Variants in NDUFAF5 observed in about 807,000 individuals in gnomAD.
NDUFAF5 encodes NADH:ubiquinone oxidoreductase complex assembly factor 5.
NDUFAF5 carries 34 observed loss-of-function variants against 48.9 expected under a neutral mutation model. The observed-to-expected ratio is 0.70, with a 90% confidence interval of 0.53 to 0.93. NDUFAF5 has a LOEUF of 0.93. Ranked by LOEUF, NDUFAF5 falls within the 40% of genes least tolerant of loss-of-function variation. NDUFAF5 has a pLI of 0.00. For missense variants in NDUFAF5, 428 were observed against 427.5 expected (o/e 1.00, Z -0.01); for synonymous variants, 153 against 150.6 (o/e 1.02, Z -0.12).
At chr20:13,817,035 A>C in intron 10 of NDUFAF5, 78 bp downstream of exon 10, 1 of 1,522,258 alleles carries the variant, frequency 6.6e-7, no homozygotes, top group Non-Finnish European at 9.1e-7. Context: ...GGGAAGGGGT[A>C]ATGTAAGACA....
Position 13,785,072 on chromosome 20 carries a change from C to T in NDUFAF5, c.4C>T (p.Leu2=). 6.2e-7 allele frequency: 1 copy of T among 1,611,040 alleles called. No individual in the cohort carries two copies. The highest frequency in any genetic ancestry group is 8.5e-7 in the Non-Finnish European group (1 of 1,179,572). M[L]RPAGLWRLCR... ...GCAATTGGGGTCGCAGCTGGAGATG[C>T]TGCGGCCGGCAGGGCTCTGGCGCTT... The change falls in exon 1 of 11, where the codon CTG becomes TTG. Residue 2 remains leucine, a synonymous_variant. Coordinates refer to ENST00000378106, the MANE Select transcript of NDUFAF5 (RefSeq NM_024120.5).
Position 13,793,184 on chromosome 20 carries a change from C to G in NDUFAF5, c.332C>G (p.Thr111Ser). Reference sequence around the variant, plus strand: ...GCTTCAGTTATTCCATTGCAGGAAACTATTGGAAAGTTTTTCCAAGCTGAC... The same window carrying G: ...GCTTCAGTTATTCCATTGCAGGAAAGTATTGGAAAGTTTTTCCAAGCTGAC... ...GYIAQYLNKE[T>S]IGKFFQADIA... Residue 111 changes from threonine (T) to serine (S), a missense_variant, in exon 4 of 11, where the codon ACT becomes AGT. Coordinates refer to ENST00000378106, the MANE Select transcript of NDUFAF5 (RefSeq NM_024120.5). The G allele has an allele frequency of 6.2e-7, 1 of 1,613,944 alleles. No individual in the cohort carries two copies. Among genetic ancestry groups the G allele is most frequent in the African/African-American group, 1.3e-5 (1 of 75,020 alleles).
intron 8 of NDUFAF5, among the ~76,000 whole-genome samples, chr20:13,809,911 C>G (rs1394509899): frequency 6.6e-6 from 1 of 152,184 alleles, no homozygotes; most frequent in Non-Finnish European, 1.5e-5. Flanking sequence ...TGCTGAGTTT[C>G]TAGCTCACAT....
intron 7 of NDUFAF5, among the ~76,000 whole-genome samples, chr20:13,804,249 A>G (rs938803237): frequency 6.6e-6 from 1 of 152,086 alleles, no homozygotes; most frequent in Admixed American, 6.5e-5. Context: ...AAAATAACCC[A>G]TCGTAGAATA....
intron 3 of NDUFAF5, among the ~76,000 whole-genome samples, chr20:13,791,127 C>T (rs912781904): frequency 6.6e-6 from 1 of 152,144 alleles, no homozygotes; most frequent in Non-Finnish European, 1.5e-5. Flanking sequence ...TGGCAAGGAG[C>T]ACGGGATCAT....
chr20:13,817,172 A>G lies in NDUFAF5; in HGVS notation c.1000A>G (p.Ile334Val). 6.2e-7 allele frequency: 1 copy of G among 1,614,028 alleles called. No homozygotes were observed. The highest frequency in any genetic ancestry group is 8.5e-7 in the Non-Finnish European group (1 of 1,179,942). ...ATVSFGELGK[I>V]NNLMPPGKKS... ...TGTGTCATTTGGAGAGCTAGGAAAA[A>G]TAAACAACCTTATGCCACCGGGGAA... The change falls in exon 11 of 11, where the codon ATA becomes GTA. Residue 334 changes from isoleucine (I) to valine (V), a missense_variant. By Grantham distance (29) the Ile-to-Val change is conservative. Coordinates refer to ENST00000378106, the MANE Select transcript of NDUFAF5 (RefSeq NM_024120.5).
intron 4 of NDUFAF5, 100 bp from the exon 5 acceptor site, chr20:13,794,738 A>T (rs989495142): frequency 2.4e-6 from 2 of 829,068 alleles, no homozygotes; most frequent in Non-Finnish European, 4.0e-6. Context: ...GAAACTGCCA[A>T]GTAAATATAA....
Position 13,817,341 on chromosome 20 carries a change from A to G in NDUFAF5, c.*131A>G, listed in dbSNP as rs566088085. On this transcript the variant is annotated 3_prime_UTR_variant, in exon 11 of 11. Transcript: ENST00000378106. ...TAATAGGCTTTTCATATAATTAGGA[A>G]AACCTAATATCACATCTATAGTAAC... 2.6e-5 allele frequency: 20 copies of G among 780,028 alleles called. 1 individual carries two copies. In the South Asian group the frequency reaches 2.7e-4, roughly 10 times the overall value. The allele number at this position is 780,028 out of a possible 1,614,324, so 48.3% of individuals were successfully genotyped here.
chr20:13,817,180 C>T lies in NDUFAF5; in HGVS notation c.1008C>T (p.Asn336=). The T allele has an allele frequency of 6.2e-7, 1 of 1,613,750 alleles. No individual in the cohort carries two copies. Among genetic ancestry groups the T allele is most frequent in the South Asian group, 1.1e-5 (1 of 91,054 alleles). The change falls in exon 11 of 11, where the codon AAC becomes AAT. Residue 336 remains asparagine (N), a synonymous_variant. Transcript: ENST00000378106. The part of the protein sequence containing the change: ...VSFGELGKIN[N]LMPPGKKSQ ...TTGGAGAGCTAGGAAAAATAAACAA[C>T]CTTATGCCACCGGGGAAAAAATCAC...
intron 7 of NDUFAF5, among the ~76,000 whole-genome samples, chr20:13,807,423 C>CT (rs902832517): frequency 7.9e-5 from 12 of 151,830 alleles, no homozygotes; most frequent in African/African-American, 2.7e-4. Context: ...TTCAGATCCA[C>CT]TTTTTTTTAT....
chr20:13,810,321 A>G (rs952817779), intron 8 of NDUFAF5, among the ~76,000 whole-genome samples: 1 of 152,166 alleles, frequency 6.6e-6, no homozygotes, highest in Non-Finnish European at 1.5e-5. Context: ...GGAAAGAAAG[A>G]ATGTTTCAAA....
At position 13,785,072 on chromosome 20, in the gene NDUFAF5, C is replaced by A. The variant is rs1186560552; in HGVS notation, c.4C>A (p.Leu2Met). 2.5e-6 allele frequency: 4 copies of A among 1,611,040 alleles called. No individual in the cohort carries two copies. The highest frequency in any genetic ancestry group is 2.2e-5 in the East Asian group (1 of 44,846). ...GCAATTGGGGTCGCAGCTGGAGATG[C>A]TGCGGCCGGCAGGGCTCTGGCGCTT... Reference protein sequence around the residue: MLRPAGLWRLCR... With the variant: MMRPAGLWRLCR... Residue 2 changes from leucine to methionine, a missense_variant, in exon 1 of 11, where the codon CTG becomes ATG. Leu to Met is a conservative substitution (Grantham distance 15, BLOSUM62 2). Transcript: ENST00000378106.
chr20:13,814,801 A>G (rs1287795645), intron 8 of NDUFAF5, among the ~76,000 whole-genome samples: 1 of 152,168 alleles, frequency 6.6e-6, no homozygotes, highest in African/African-American at 2.4e-5. Context: ...TAGAGGTTGA[A>G]TGACTTTGCC....
In NDUFAF5 at chr20:13,795,766, C is replaced by G. The variant is rs575051226; in HGVS notation, c.479+825C>G. ...CCTGGTAAGTTGAGGCTGCAGTGAG[C>G]CATGATCATGCCACTGCACTCTAGC... On this transcript the variant is annotated intron_variant, in intron 5 of 10. Coordinates refer to ENST00000378106, the MANE Select transcript of NDUFAF5 (RefSeq NM_024120.5). Among the ~76,000 whole-genome samples the G allele has an allele frequency of 1.3e-4, 20 of 152,278 alleles. 1 individual carries two copies. Among genetic ancestry groups the G allele is most frequent in the African/African-American group, 4.8e-4 (20 of 41,560 alleles).
At chr20:13,791,971 A>G (rs1341119938) in intron 3 of NDUFAF5, among the ~76,000 whole-genome samples, 1 of 152,238 alleles carries the variant, frequency 6.6e-6, no homozygotes, top group Non-Finnish European at 1.5e-5. Context: ...ATAGCTTGAC[A>G]TCAGCCCTGG....
intron 6 of NDUFAF5, among the ~76,000 whole-genome samples, chr20:13,800,263 G>C (rs1016236855): frequency 6.6e-6 from 1 of 152,184 alleles, no homozygotes; most frequent in African/African-American, 2.4e-5. Context: ...AGTAGAGTTT[G>C]ATGACAGGAG....
At chr20:13,811,610 T>G (rs1187393213) in intron 8 of NDUFAF5, among the ~76,000 whole-genome samples, 1 of 152,014 alleles carries the variant, frequency 6.6e-6, no homozygotes, top group Non-Finnish European at 1.5e-5. Context: ...TGAAGGTGTT[T>G]AATAGGGTAG....
intron 7 of NDUFAF5, among the ~76,000 whole-genome samples, chr20:13,802,773 T>C (rs949753332): frequency 6.6e-6 from 1 of 151,552 alleles, no homozygotes; most frequent in Non-Finnish European, 1.5e-5. Flanking sequence ...TTACATTAGC[T>C]CCTGCCTTCC....
chr20:13,786,090 G>A (rs1981054902), intron 1 of NDUFAF5, among the ~76,000 whole-genome samples: 1 of 152,162 alleles, frequency 6.6e-6, no homozygotes, highest in Admixed American at 6.5e-5. Flanking sequence ...GCCCAGGTGA[G>A]CCAGAGACTG....
Sources: allele counts gnomAD v4.1 joint callset (sites outside exome capture counted in the v4.1 genomes callset), GRCh38; gene constraint gnomAD v4.1.1; transcripts MANE v1.5; gene names NCBI Gene and HGNC (gene_info 2026-07-23, HGNC 2026-07-21).